Variants in GRAMD1B observed in about 807,000 individuals in gnomAD.
GRAMD1B encodes the protein GRAM domain containing 1B, also known as protein Aster-B.
In GRAMD1B, 37 loss-of-function variants were observed where a neutral mutation model predicts 99.7. The observed-to-expected ratio is 0.37, with a 90% CI of 0.29 to 0.49. The LOEUF (loss-of-function observed/expected upper bound fraction) is 0.49. Ranked by LOEUF, GRAMD1B falls within the 20% of genes least tolerant of loss-of-function variation. GRAMD1B has a pLI of 0.98. For synonymous variants in GRAMD1B, 427 were observed against 387.6 expected, an observed-to-expected ratio of 1.10 and a Z score of -1.19; for missense variants, 888 against 1,009.2, an observed-to-expected ratio of 0.88 and a Z score of 1.63.
chr11:123,563,574 T>C (rs1364499996), intron 2 of GRAMD1B, among the ~76,000 whole-genome samples: 2 of 151,778 alleles, frequency 1.3e-5, no homozygotes, highest in South Asian at 2.1e-4. Context: ...TGCAGTGGCA[T>C]GATGTCGGCT....
intron 1 of GRAMD1B, among the ~76,000 whole-genome samples, chr11:123,467,092 C>A (rs973295916): frequency 1.3e-5 from 2 of 152,052 alleles, no homozygotes; most frequent in African/African-American, 2.4e-5. Flanking sequence ...GATCATTTAC[C>A]CTTTGTGAAA....
intron 1 of GRAMD1B, among the ~76,000 whole-genome samples, chr11:123,362,833 T>C (rs1214093760): frequency 6.6e-6 from 1 of 151,926 alleles, no homozygotes; most frequent in Non-Finnish European, 1.5e-5. Context: ...CCACCGAACC[T>C]GGAGATACAG....
intron 1 of GRAMD1B, among the ~76,000 whole-genome samples, chr11:123,434,376 T>C (rs1316792935): frequency 2.6e-5 from 4 of 152,180 alleles, no homozygotes; most frequent in African/African-American, 9.7e-5. Flanking sequence ...TTGGAATCTA[T>C]TTGGATTGTG....
At chr11:123,422,215 A>G (rs1374086063) in intron 1 of GRAMD1B, among the ~76,000 whole-genome samples, 3 of 152,212 alleles carry the variant, frequency 2.0e-5, no homozygotes, top group African/African-American at 7.2e-5. Context: ...TCTGGGGCGC[A>G]GTGCAGCAGG....
chr11:123,527,365 A>G (rs943532323), intron 2 of GRAMD1B, among the ~76,000 whole-genome samples: 2 of 152,212 alleles, frequency 1.3e-5, no homozygotes, highest in African/African-American at 4.8e-5. Flanking sequence ...TGTAGGGAAC[A>G]GGGCCCTTTA....
At chr11:123,564,477 G>A (rs1947133610) in intron 2 of GRAMD1B, among the ~76,000 whole-genome samples, 1 of 152,230 alleles carries the variant, frequency 6.6e-6, no homozygotes, top group Admixed American at 6.5e-5. Flanking sequence ...AGGAAGGCCT[G>A]AGTCAGGAAG....
At chr11:123,437,577 A>G (rs1415384210) in intron 1 of GRAMD1B, among the ~76,000 whole-genome samples, 1 of 152,032 alleles carries the variant, frequency 6.6e-6, no homozygotes, top group Non-Finnish European at 1.5e-5. Context: ...TACATAACAC[A>G]CCTACCCCCG....
chr11:123,466,650 C>T (rs1439695752), intron 1 of GRAMD1B, among the ~76,000 whole-genome samples: 1 of 152,010 alleles, frequency 6.6e-6, no homozygotes. Flanking sequence ...AGGAAGGGGA[C>T]CCAGGGAGTA....
chr11:123,466,051 G>A (rs143119047), intron 1 of GRAMD1B, among the ~76,000 whole-genome samples: 15 of 152,048 alleles, frequency 9.9e-5, no homozygotes, highest in East Asian at 2.0e-4. Flanking sequence ...CTACGCGGGC[G>A]GATCACTTGA....
intron 1 of GRAMD1B, among the ~76,000 whole-genome samples, chr11:123,397,166 G>T (rs1947493381): frequency 6.6e-6 from 1 of 152,186 alleles, no homozygotes; most frequent in Admixed American, 6.5e-5. Context: ...CACTTTGGGA[G>T]GCAGAGGCGG....
intron 12 of GRAMD1B, among the ~76,000 whole-genome samples, chr11:123,609,544 G>T (rs1036025710): frequency 6.6e-6 from 1 of 152,202 alleles, no homozygotes; most frequent in Non-Finnish European, 1.5e-5. Flanking sequence ...AAGACCTCCT[G>T]TCCCAGCCCC....
In GRAMD1B at chr11:123,606,773, T is replaced by C; in HGVS notation, c.1488T>C (p.Ser496=). 6.2e-7 allele frequency: 1 copy of C among 1,613,786 alleles called. No individual in the cohort carries two copies. Among genetic ancestry groups the C allele is most frequent in the Non-Finnish European group, 8.5e-7 (1 of 1,179,776 alleles). ...NDNEDIPTEL[S]DSSDTHDEGE... ...ATGAGGACATCCCCACTGAGCTCAG[T>C]GACTCTTCCGACACACACGATGAAG... Residue 496 remains serine, a synonymous_variant, in exon 11 of 20, where the codon AGT becomes AGC. Transcript: ENST00000635736.
At chr11:123,385,943 A>G (rs1947041463) in intron 1 of GRAMD1B, among the ~76,000 whole-genome samples, 1 of 152,162 alleles carries the variant, frequency 6.6e-6, no homozygotes, top group Admixed American at 6.5e-5. Context: ...TGCTTTGTGA[A>G]GTGGCCAAAG....
At chr11:123,614,304 C>T (rs1954031032) in intron 16 of GRAMD1B, among the ~76,000 whole-genome samples, 2 of 152,192 alleles carry the variant, frequency 1.3e-5, no homozygotes, top group South Asian at 2.1e-4. Context: ...TTCCATGTTA[C>T]GTGTTTTGCA....
intron 1 of GRAMD1B, among the ~76,000 whole-genome samples, chr11:123,462,891 TAA>T (rs1022451957): frequency 1.8e-5 from 2 of 111,410 alleles, no homozygotes; most frequent in Admixed American, 8.8e-5. Context: ...AAAAATAAAT[TAA>T]AAAAAAAAAA....
chr11:123,598,111 A>G (rs1221012528), intron 7 of GRAMD1B: 3 of 1,590,296 alleles, frequency 1.9e-6, no homozygotes, highest in African/African-American at 2.7e-5. Context: ...TCACATTAGC[A>G]AAGTGAGCAG....
intron 1 of GRAMD1B, among the ~76,000 whole-genome samples, chr11:123,453,788 T>G (rs1949994248): frequency 6.6e-6 from 1 of 152,204 alleles, no homozygotes; most frequent in African/African-American, 2.4e-5. Context: ...CAGGGAGATT[T>G]CTGGATCTTG....
chr11:123,423,658 CT>C (rs1366854562), intron 1 of GRAMD1B, among the ~76,000 whole-genome samples: 1 of 152,136 alleles, frequency 6.6e-6, no homozygotes, highest in Non-Finnish European at 1.5e-5. Context: ...GGAATTATCT[CT>C]GTCTTTCTTC....
chr11:123,529,976 T>A (rs1472072359), intron 2 of GRAMD1B, among the ~76,000 whole-genome samples: 1 of 152,048 alleles, frequency 6.6e-6, no homozygotes. Context: ...CTGGAAGAAT[T>A]TGATTCTGGA....
Sources: gnomAD v4.1 joint callset for allele counts (sites outside exome capture counted in the v4.1 genomes callset) on GRCh38, gnomAD v4.1.1 for gene constraint, MANE v1.5 for transcripts, NCBI Gene and HGNC (gene_info 2026-07-23, HGNC 2026-07-21) for gene names.